The following PRKCA variants were observed in gnomAD, a reference collection of about 807,000 sequenced individuals.
The protein encoded by PRKCA is protein kinase C alpha type.
PRKCA carries 27 observed loss-of-function variants against 87.0 expected under a neutral mutation model. The ratio of observed to expected loss-of-function variants is 0.31; its 90% CI spans 0.23 to 0.43. The LOEUF (loss-of-function observed/expected upper bound fraction) is 0.43, where lower values mean the gene tolerates loss of function less well. Ranked by LOEUF, PRKCA falls within the 20% of genes least tolerant of loss-of-function variation. PRKCA has a pLI of 1.00. For synonymous variants in PRKCA, 329 were observed against 311.1 expected, an observed-to-expected ratio of 1.06 and a Z score of -0.61; for missense variants, 518 against 852.3, an observed-to-expected ratio of 0.61 and a Z score of 4.88.
chr17:66,308,343 A>G (rs1904926760), intron 2 of PRKCA, among the ~76,000 whole-genome samples: 1 of 152,092 alleles, frequency 6.6e-6, no homozygotes, highest in African/African-American at 2.4e-5. Context: ...CTGGTAGGTG[A>G]AAAGGGGCCC....
intron 2 of PRKCA, among the ~76,000 whole-genome samples, chr17:66,424,382 T>C (rs899095177): frequency 2.0e-5 from 3 of 152,002 alleles, no homozygotes; most frequent in Non-Finnish European, 4.4e-5. Flanking sequence ...AAGACCAGCC[T>C]GGGCAACATG....
intron 14 of PRKCA, among the ~76,000 whole-genome samples, chr17:66,786,150 C>CCGGCTTAAA (rs2144376194): frequency 6.6e-6 from 1 of 152,272 alleles, no homozygotes. Context: ...TTTTAAAGAA[C>CCGGCTTAAA]GAAGTCATTT....
intron 2 of PRKCA, among the ~76,000 whole-genome samples, chr17:66,311,602 G>A (rs1045947969): frequency 1.2e-4 from 18 of 152,278 alleles, no homozygotes; most frequent in Admixed American, 5.2e-4. Context: ...GGGCGACAGA[G>A]TGAGAGCCTG....
At chr17:66,482,098 C>CAAAAAAAAAAAAAAAAAA (rs58719328) in intron 2 of PRKCA, among the ~76,000 whole-genome samples, 15 of 89,302 alleles carry the variant, frequency 1.7e-4, no homozygotes, top group East Asian at 6.1e-4. Flanking sequence ...AAGACTGTCT[C>CAAAAAAAAAAAAAAAAAA]AAAAAAAAAA....
In PRKCA at chr17:66,555,827, T is replaced by G. The variant is rs57214089; in HGVS notation, c.288+59544T>G. The stretch of plus-strand genomic sequence containing the variant: ...TTAGACTGTCCTTAGGTGAAGGGTT[T>G]CCCTTCCAGTTGCTATTTAAGATGT... On this transcript the variant is annotated intron_variant, in intron 3 of 16. Coordinates refer to ENST00000413366, the MANE Select transcript of PRKCA (RefSeq NM_002737.3). 9.8e-3 allele frequency among the ~76,000 whole-genome samples: 1,499 copies of G among 152,286 alleles called. 29 individuals carry two copies. The highest frequency in any genetic ancestry group is 0.034 in the African/African-American group (1,396 of 41,550).
intron 2 of PRKCA, among the ~76,000 whole-genome samples, chr17:66,361,496 A>G (rs1447488649): frequency 6.6e-6 from 1 of 151,932 alleles, no homozygotes; most frequent in Non-Finnish European, 1.5e-5. Flanking sequence ...ATTTTAGTAG[A>G]GATGAGGTTT....
intron 3 of PRKCA, among the ~76,000 whole-genome samples, chr17:66,564,598 C>T (rs1052844403): frequency 1.3e-5 from 2 of 152,164 alleles, no homozygotes; most frequent in Non-Finnish European, 2.9e-5. Context: ...AGAAACAAAA[C>T]CCATGACTTT....
At chr17:66,696,325 T>C (rs1213043498) in intron 8 of PRKCA, 1 of 152,230 alleles carries the variant, frequency 6.6e-6, no homozygotes, top group Non-Finnish European at 1.5e-5. Context: ...ATATGCAATT[T>C]AAAATAGCCA....
chr17:66,321,136 T>C (rs186644889), intron 2 of PRKCA, among the ~76,000 whole-genome samples: 182 of 152,334 alleles, frequency 1.2e-3, no homozygotes, highest in Non-Finnish European at 1.9e-3. Flanking sequence ...ATGTTTATTT[T>C]CTAGCTAAAT....
intron 10 of PRKCA, 94 bp downstream of exon 10, chr17:66,735,756 G>C (rs1191048247): frequency 7.0e-7 from 1 of 1,431,478 alleles, no homozygotes; most frequent in African/African-American, 1.4e-5. Flanking sequence ...CTTTGGAGAA[G>C]GCTGGAGAAA....
Position 66,584,408 on chromosome 17 carries a change from T to G in PRKCA, c.289-56947T>G, listed in dbSNP as rs1969533512. ...AGCTGATTTTTGTATTTTTTTTTAG[T>G]AGAGACAGGGTTTCACCGTATTGAT... On this transcript the variant is annotated intron_variant, in intron 3 of 16. Transcript: ENST00000413366. Among the ~76,000 whole-genome samples the G allele has an allele frequency of 3.3e-5, 5 of 152,120 alleles. No individual in the cohort carries two copies. The South Asian group carries it at 1.0e-3, about 32-fold the overall frequency.
At chr17:66,564,037 T>C (rs1968809577) in intron 3 of PRKCA, among the ~76,000 whole-genome samples, 1 of 149,570 alleles carries the variant, frequency 6.7e-6, no homozygotes, top group African/African-American at 2.5e-5. Context: ...TTTCTTCCTC[T>C]CTTCCTTCCT....
chr17:66,489,835 C>T (rs1296993312), intron 2 of PRKCA, among the ~76,000 whole-genome samples: 1 of 150,784 alleles, frequency 6.6e-6, no homozygotes, highest in Non-Finnish European at 1.5e-5. Flanking sequence ...GGCTGGGGTA[C>T]AGTGGCGTGA....
intron 3 of PRKCA, among the ~76,000 whole-genome samples, chr17:66,587,893 G>GTA (rs1315328922): frequency 0.016 from 827 of 51,570 alleles, 71 homozygotes; most frequent in Non-Finnish European, 0.023. Context: ...GTGTGTGTGT[G>GTA]TGTATATATA....
intron 8 of PRKCA, among the ~76,000 whole-genome samples, chr17:66,723,940 T>C (rs1362851477): frequency 6.6e-6 from 1 of 152,180 alleles, no homozygotes. Context: ...TATATAATAA[T>C]TGAAGACTGT....
At chr17:66,781,610 C>T (rs1975215476) in intron 14 of PRKCA, among the ~76,000 whole-genome samples, 1 of 152,102 alleles carries the variant, frequency 6.6e-6, no homozygotes, top group East Asian at 1.9e-4. Context: ...GGACGTGTAT[C>T]GTATCACCCC....
At chr17:66,680,788 T>C (rs916263978) in intron 5 of PRKCA, among the ~76,000 whole-genome samples, 2 of 151,990 alleles carry the variant, frequency 1.3e-5, no homozygotes, top group African/African-American at 2.4e-5. Context: ...AAAATCCACA[T>C]TGGGGGTGGG....
At chr17:66,643,430 G>C (rs1406284512) in intron 4 of PRKCA, among the ~76,000 whole-genome samples, 1 of 152,236 alleles carries the variant, frequency 6.6e-6, no homozygotes, top group African/African-American at 2.4e-5. Context: ...GTTTGTATCA[G>C]AGGGCTTTAT....
rs529704936 is a variant in PRKCA at position 66,782,979 on chromosome 17, C to T, written c.1606-3888C>T. Among the ~76,000 whole-genome samples, 6 of 152,308 alleles carry T rather than the reference C, an allele frequency of 3.9e-5. No individual in the cohort carries two copies. The East Asian group carries it at 7.7e-4, about 20-fold the overall frequency. ...ATGCAGAGAGAGGCTGAGAAATGAACGCCACTGTGGTCACTTTCGCTGCTC... is the reference window on the plus strand; with the variant it reads ...ATGCAGAGAGAGGCTGAGAAATGAATGCCACTGTGGTCACTTTCGCTGCTC... On this transcript the variant is annotated intron_variant, in intron 14 of 16. Coordinates refer to ENST00000413366, the MANE Select transcript of PRKCA (RefSeq NM_002737.3).
Sources: gnomAD v4.1 joint callset for allele counts (sites outside exome capture counted in the v4.1 genomes callset) on GRCh38, gnomAD v4.1.1 for gene constraint, MANE v1.5 for transcripts, NCBI Gene and HGNC (gene_info 2026-07-23, HGNC 2026-07-21) for gene names.